TRIM31: variants seen among roughly 807,000 people sequenced by gnomAD.
TRIM31 encodes tripartite motif containing 31.
TRIM31 carries 31 observed loss-of-function variants against 40.6 expected under a neutral mutation model. That is an observed-to-expected ratio of 0.76 (90% confidence interval 0.57 to 1.03). The LOEUF (loss-of-function observed/expected upper bound fraction) is 1.03. TRIM31 is among the 50% of genes least tolerant of loss of function. The probability of loss-of-function intolerance (pLI) is 0.00; values close to 1 mark genes in which losing one functional copy is unlikely to be tolerated. For synonymous variants in TRIM31, 164 were observed against 193.9 expected (o/e 0.85, Z 1.28); for missense variants, 455 against 497.5 (o/e 0.91, Z 0.81).
In TRIM31 at chr6:30,112,617, G is replaced by T. The variant is rs754609841; in HGVS notation, c.189C>A (p.Asn63Lys). The change falls in exon 2 of 9, where the codon AAC (asparagine) becomes AAA (lysine). Residue 63 changes from asparagine to lysine, a missense_variant. Asn to Lys is a moderately conservative substitution (Grantham distance 94). Coordinates refer to ENST00000376734, the MANE Select transcript of TRIM31 (RefSeq NM_007028.5). ...GCAACAGCGAGTTGAACCTGATTGC[G>T]TTCTTCCTTACGGAAGTTTTGCAGA... ...CPLCKTSVRK[N>K]AIRFNSLLRN... is the part of the protein sequence containing the mutation. The T allele has an allele frequency of 6.2e-7, 1 of 1,613,088 alleles. No homozygotes were observed. The highest frequency in any genetic ancestry group is 8.5e-7 in the Non-Finnish European group (1 of 1,180,046).
chr6:30,110,906 A>G (rs1769236561), intron 3 of TRIM31, among the ~76,000 whole-genome samples: 1 of 152,212 alleles, frequency 6.6e-6, no homozygotes, highest in Admixed American at 6.5e-5. Context: ...ACTTGCCTTC[A>G]AGGAACTGTC....
Position 30,103,341 on chromosome 6 carries a change from T to G in TRIM31, c.*195A>C. ...CTCCTTTTGCTCAAGAATTCGTCCA[T>G]TCCTTCTCCAACTCTCTTCACCACC... On this transcript the variant is annotated 3_prime_UTR_variant, in exon 9 of 9. Coordinates refer to ENST00000376734, the MANE Select transcript of TRIM31 (RefSeq NM_007028.5). 1.3e-6 allele frequency: 1 copy of G among 797,064 alleles called. No homozygotes were observed. Among genetic ancestry groups the G allele is most frequent in the African/African-American group, 1.7e-5 (1 of 57,898 alleles). 49.4% of individuals were successfully genotyped at this position (797,064 alleles called of 1,614,324 possible).
intron 8 of TRIM31, 150 bp from the exon 9 acceptor site, chr6:30,103,939 T>G: frequency 7.1e-7 from 1 of 1,405,084 alleles, no homozygotes; most frequent in Non-Finnish European, 9.8e-7. Flanking sequence ...CGGAGCGCCC[T>G]CTGTTTCCTG....
chr6:30,105,303 C>T (rs1226556050), intron 6 of TRIM31, 61 bp from the exon 7 acceptor site: 35 of 1,307,750 alleles, frequency 2.7e-5, no homozygotes, highest in Non-Finnish European at 3.6e-5. Context: ...AAAGAACTCA[C>T]TATCACACAG....
At position 30,110,481 on chromosome 6, in the gene TRIM31, G is replaced by T. The variant is rs1483015546; in HGVS notation, c.711C>A (p.Thr237=). 1 of 1,614,020 alleles carries T rather than the reference G, an allele frequency of 6.2e-7. No homozygotes were observed. The highest frequency in any genetic ancestry group is 8.5e-7 in the Non-Finnish European group (1 of 1,180,038). The change falls in exon 4 of 9, where the codon ACC becomes ACA. Residue 237 remains threonine (T), a synonymous_variant. Coordinates refer to ENST00000376734, the MANE Select transcript of TRIM31 (RefSeq NM_007028.5). ...GCTGCCTGGGTGGCATGTTCTGCTTGGTCTTCAGGGAATCAACGAGCTTCT... is the reference window on the plus strand; with the variant it reads ...GCTGCCTGGGTGGCATGTTCTGCTTTGTCTTCAGGGAATCAACGAGCTTCT... The part of the protein sequence containing the change: ...DLKKLVDSLK[T]KQNMPPRQLL...
Position 30,105,165 on chromosome 6 carries a change from T to C in TRIM31, c.958+3A>G. The C allele has an allele frequency of 6.2e-7, 1 of 1,612,078 alleles. No individual in the cohort carries two copies. The highest frequency in any genetic ancestry group is 1.1e-5 in the South Asian group (1 of 90,846). On this transcript the variant is annotated splice_donor_region_variant and intron_variant, in intron 7 of 8. Transcript: ENST00000376734. ...AAGCAACCAACCATCATTTCTCACT[T>C]ACAGCTCTTCATGTCATTTTTATTC...
At chr6:30,104,746 A>G (rs1366638874) in intron 7 of TRIM31, among the ~76,000 whole-genome samples, 1 of 152,232 alleles carries the variant, frequency 6.6e-6, no homozygotes, top group Non-Finnish European at 1.5e-5. Flanking sequence ...CTTAGGTGGC[A>G]GAACCATATC....
rs570627212 is a variant in TRIM31 at position 30,103,611 on chromosome 6, G to C, written c.1203C>G (p.Ser401=). Residue 401 remains serine (S), a synonymous_variant, in exon 9 of 9, where the codon TCC becomes TCG. Coordinates refer to ENST00000376734, the MANE Select transcript of TRIM31 (RefSeq NM_007028.5). ...CACTCAGTGCCGCATGGAGCTCCTCGGACAGCGCAACGTCAAATGTCTTCG... is the reference window on the plus strand; with the variant it reads ...CACTCAGTGCCGCATGGAGCTCCTCCGACAGCGCAACGTCAAATGTCTTCG... ...QDTKTFDVAL[S]EELHAALSEW... 6 of 1,613,032 alleles carry C rather than the reference G, an allele frequency of 3.7e-6. No individual in the cohort carries two copies. In the South Asian group the frequency reaches 6.6e-5, roughly 18 times the overall value.
chr6:30,111,909 G>C, intron 2 of TRIM31, 166 bp from the exon 3 acceptor site: 1 of 640,602 alleles, frequency 1.6e-6, no homozygotes, highest in Non-Finnish European at 2.7e-6. Flanking sequence ...GCTGAGAAGG[G>C]AGAAATCTGG....
chr6:30,106,819 G>A (rs982339659), intron 6 of TRIM31, among the ~76,000 whole-genome samples: 4 of 152,084 alleles, frequency 2.6e-5, no homozygotes, highest in African/African-American at 7.2e-5. Context: ...GTGCTGGATC[G>A]GGCTGGACGT....
Position 30,110,622 on chromosome 6 carries a change from T to C in TRIM31, c.570A>G (p.Gln190=). 6.2e-7 allele frequency: 1 copy of C among 1,614,224 alleles called. No individual in the cohort carries two copies. Among genetic ancestry groups the C allele is most frequent in the Non-Finnish European group, 8.5e-7 (1 of 1,180,038 alleles). The change falls in exon 4 of 9, where the codon CAA becomes CAG. Residue 190 remains glutamine (Q), a synonymous_variant. Coordinates refer to ENST00000376734, the MANE Select transcript of TRIM31 (RefSeq NM_007028.5). ...RILTEFELLH[Q]VLEEEKNFLL... The stretch of plus-strand genomic sequence containing the variant: ...GGAAATTCTTCTCCTCCTCTAGGAC[T>C]TGATGCAGGAGTTCAAATTCTGTGA...
rs781579513 is a variant in TRIM31, at chr6:30,110,404, G to A, written c.744+44C>T. 3.8e-6 allele frequency: 6 copies of A among 1,587,804 alleles called. No homozygotes were observed. The South Asian group carries it at 6.7e-5, about 18-fold the overall frequency. The stretch of plus-strand genomic sequence containing the variant: ...GTCCATGCTCTGACCTGAGACTAGG[G>A]ATGGGCTGCTACCTCTCTGCAATTC... On this transcript the variant is annotated intron_variant, in intron 4 of 8. Coordinates refer to ENST00000376734, the MANE Select transcript of TRIM31 (RefSeq NM_007028.5).
intron 2 of TRIM31, 112 bp from the exon 3 acceptor site, chr6:30,111,855 A>T (rs916355243): frequency 6.2e-6 from 6 of 964,272 alleles, no homozygotes; most frequent in Non-Finnish European, 9.6e-6. Flanking sequence ...TCCTTGTGTA[A>T]TTATTAAGGA....
chr6:30,105,682 C>T (rs1768610708), intron 6 of TRIM31: 1 of 154,078 alleles, frequency 6.5e-6, no homozygotes, highest in South Asian at 2.0e-4. Flanking sequence ...AATGATTCTT[C>T]ACATATAGCA....
chr6:30,105,422 C>T (rs6915431), intron 6 of TRIM31, 180 bp from the exon 7 acceptor site: 18,319 of 564,324 alleles, frequency 0.032, 750 homozygotes, highest in African/African-American at 0.15. Flanking sequence ...TTTCTGATTT[C>T]CTGTGGTGAC....
chr6:30,110,790 A>G (rs1039407462), intron 3 of TRIM31, 112 bp from the exon 4 acceptor site: 27 of 1,020,958 alleles, frequency 2.6e-5, no homozygotes, highest in Middle Eastern at 2.4e-4. Flanking sequence ...AACCAGAGCA[A>G]TGTGCCAGGG....
chr6:30,104,819 AC>A (rs143263882), intron 7 of TRIM31, among the ~76,000 whole-genome samples: 2,847 of 152,330 alleles, frequency 0.019, 62 homozygotes, highest in African/African-American at 0.044. Context: ...TACTGACCTC[AC>A]ACCCAGAGGA....
Position 30,110,498 on chromosome 6 carries a change from C to G in TRIM31, c.694G>C (p.Val232Leu). The G allele has an allele frequency of 1.9e-5, 30 of 1,613,798 alleles. No homozygotes were observed. The highest frequency in any genetic ancestry group is 2.4e-5 in the Non-Finnish European group (28 of 1,179,788). Residue 232 changes from valine (V) to leucine (L), a missense_variant, in exon 4 of 9, where the codon GTT becomes CTT. Transcript: ENST00000376734. The stretch of plus-strand genomic sequence containing the variant: ...TTCTGCTTGGTCTTCAGGGAATCAA[C>G]GAGCTTCTTGAGATCGTTCAACTGT... Reference protein sequence around the residue: ...EPQLNDLKKLVDSLKTKQNMP... With the variant: ...EPQLNDLKKLLDSLKTKQNMP...
intron 5 of TRIM31, chr6:30,108,761 G>A: frequency 3.4e-6 from 2 of 582,656 alleles, no homozygotes; most frequent in South Asian, 2.0e-5. Context: ...GAGCTATTCA[G>A]TTGAGCAAGG....
Sources: allele counts gnomAD v4.1 joint callset (sites outside exome capture counted in the v4.1 genomes callset), GRCh38; gene constraint gnomAD v4.1.1; transcripts MANE v1.5; gene names NCBI Gene and HGNC (gene_info 2026-07-23, HGNC 2026-07-21).